Variants in PRMT8 observed in about 807,000 individuals in gnomAD.
The protein encoded by PRMT8 is protein arginine N-methyltransferase 8.
A neutral mutation model predicts 47.1 loss-of-function variants in PRMT8; 7 were observed. The observed-to-expected ratio is 0.15, with a 90% CI of 0.08 to 0.28. The LOEUF (loss-of-function observed/expected upper bound fraction) is 0.28, where lower values mean the gene tolerates loss of function less well. PRMT8 is among the 10% of genes least tolerant of loss of function. The probability of loss-of-function intolerance (pLI) is 1.00; values close to 1 mark genes in which losing one functional copy is unlikely to be tolerated. For missense variants in PRMT8, 237 were observed against 505.4 expected, an observed-to-expected ratio of 0.47 and a Z score of 5.09; for synonymous variants, 188 against 186.5, an observed-to-expected ratio of 1.01 and a Z score of -0.07.
intron 1 of PRMT8, among the ~76,000 whole-genome samples, chr12:3,437,989 T>C (rs1402656882): frequency 1.3e-5 from 2 of 152,142 alleles, no homozygotes; most frequent in African/African-American, 2.4e-5. Flanking sequence ...AGGACTCTTA[T>C]GGGGTCTGGG....
At chr12:3,488,694 A>G (rs57959379), upstream of PRMT8, among the ~76,000 whole-genome samples, 16,071 of 152,284 alleles carry the variant, frequency 0.11, 955 homozygotes, top group African/African-American at 0.14. Flanking sequence ...GACTAAACTA[A>G]TTAACCTGGT....
rs1237420061 is a variant in PRMT8 at position 3,580,878 on chromosome 12, T to G, written c.829-2180T>G. On this transcript the variant is annotated intron_variant, in intron 7 of 9. Coordinates refer to ENST00000382622, the MANE Select transcript of PRMT8 (RefSeq NM_019854.5). This position sits in a 1 kb window ranked among gnomAD's most constrained non-coding sequence, Gnocchi z 4.6. ...GCAACCAAGGCTTGTCCGAAGAGTTTTTGAGCTGGAGGACACCTGTGGACA... is the reference window on the plus strand; with the variant it reads ...GCAACCAAGGCTTGTCCGAAGAGTTGTTGAGCTGGAGGACACCTGTGGACA... 6.6e-6 allele frequency among the ~76,000 whole-genome samples: 1 copy of G among 152,076 alleles called. No individual in the cohort carries two copies. The highest frequency in any genetic ancestry group is 1.5e-5 in the Non-Finnish European group (1 of 68,010).
In PRMT8 at chr12:3,505,255, A is replaced by G. The variant is rs376770984; in HGVS notation, c.75+13555A>G. ...CAAGACCCTATTTTTAAATGAGCTC[A>G]CTGTCACAGGTACTGGGGGTTTAGG... is the stretch of plus-strand genomic sequence containing the variant. On this transcript the variant is annotated intron_variant, in intron 1 of 9. Coordinates refer to ENST00000382622, the MANE Select transcript of PRMT8 (RefSeq NM_019854.5). Among the ~76,000 whole-genome samples, 79 of 152,328 alleles carry G rather than the reference A, an allele frequency of 5.2e-4. 1 individual carries two copies. In the South Asian group the frequency reaches 0.016, roughly 31 times the overall value.
At chr12:3,452,790 G>C (rs1039598626) in intron 1 of PRMT8, among the ~76,000 whole-genome samples, 12 of 152,206 alleles carry the variant, frequency 7.9e-5, no homozygotes, top group African/African-American at 2.2e-4. Context: ...TCAAGGCAGA[G>C]GAGAGGTAAA....
rs190849716 is a variant in PRMT8, at chr12:3,535,908, C to G, written c.76-4698C>G. Among the ~76,000 whole-genome samples, 11 of 152,230 alleles carry G rather than the reference C, an allele frequency of 7.2e-5. No homozygotes were observed. In the East Asian group the frequency reaches 1.9e-3, roughly 27 times the overall value. On this transcript the variant is annotated intron_variant, in intron 1 of 9. Transcript: ENST00000382622. The surrounding 1 kb of genome is among the most constrained non-coding windows in gnomAD (Gnocchi z 4.7). The stretch of plus-strand genomic sequence containing the variant: ...ACCTTCACTCAGAGACTCTGCTTGC[C>G]TGGTGTGGCTTAGGGAGGAGTTGAG...
At chr12:3,487,231 C>G (rs1865331197), upstream of PRMT8, among the ~76,000 whole-genome samples, 1 of 152,160 alleles carries the variant, frequency 6.6e-6, no homozygotes, top group Admixed American at 6.5e-5. Flanking sequence ...CATATGTGAA[C>G]CCTGGCCATG....
rs530490826 is a variant in PRMT8, at chr12:3,547,373, A to G, written c.262-2563A>G. Reference sequence around the variant, plus strand: ...TAAAGAAATCTAAAAAAAAAACCCTACTGGAATTAATATGTGAAGAGAGAA... The same window carrying G: ...TAAAGAAATCTAAAAAAAAAACCCTGCTGGAATTAATATGTGAAGAGAGAA... On this transcript the variant is annotated intron_variant, in intron 2 of 9. Coordinates refer to ENST00000382622, the MANE Select transcript of PRMT8 (RefSeq NM_019854.5). Among the ~76,000 whole-genome samples the G allele has an allele frequency of 2.6e-5, 4 of 152,280 alleles. No homozygotes were observed. In the East Asian group the frequency reaches 7.7e-4, roughly 29 times the overall value.
chr12:3,565,185 A>G (rs1486931115), intron 4 of PRMT8, among the ~76,000 whole-genome samples: 2 of 152,352 alleles, frequency 1.3e-5, no homozygotes, highest in East Asian at 3.9e-4. Flanking sequence ...TGCCTTACAC[A>G]TAACAAGTGC....
At chr12:3,507,008 A>G (rs1865637500) in intron 1 of PRMT8, among the ~76,000 whole-genome samples, 1 of 152,194 alleles carries the variant, frequency 6.6e-6, no homozygotes, top group African/African-American at 2.4e-5. Context: ...AAATTGGGCT[A>G]ATGCCACTAT....
intron 6 of PRMT8, among the ~76,000 whole-genome samples, chr12:3,574,903 T>G (rs1207944096): frequency 1.3e-5 from 2 of 152,196 alleles, no homozygotes; most frequent in Non-Finnish European, 2.9e-5. Flanking sequence ...TAGCTGCAAG[T>G]CTCTTGAGAA....
chr12:3,414,129 T>C (rs1378892271), intron 1 of PRMT8, among the ~76,000 whole-genome samples: 2 of 152,214 alleles, frequency 1.3e-5, no homozygotes, highest in South Asian at 2.1e-4. Flanking sequence ...ATAATAAATA[T>C]GGATATTTTG....
chr12:3,405,793 G>A (rs1311874632), intron 1 of PRMT8, among the ~76,000 whole-genome samples: 2 of 152,344 alleles, frequency 1.3e-5, no homozygotes, highest in East Asian at 3.9e-4. Context: ...GCTTTGCAGG[G>A]TATAGCTGCT....
At chr12:3,429,525 A>T (rs1444691400) in intron 1 of PRMT8, among the ~76,000 whole-genome samples, 1 of 152,208 alleles carries the variant, frequency 6.6e-6, no homozygotes, top group Non-Finnish European at 1.5e-5. Context: ...GTTTATACCA[A>T]ATCTGAACCA....
rs201467538 is a variant in PRMT8, at chr12:3,449,319, T to C, written c.48+67877T>C. 9.4e-4 allele frequency among the ~76,000 whole-genome samples: 143 copies of C among 152,330 alleles called. No individual in the cohort carries two copies. The East Asian group carries it at 0.025, about 26-fold the overall frequency. ...TCTTTGAGGAATTGCCATACTGTCT[T>C]CCACAATGGTTGAATGAATTTACAC... On this transcript the variant is annotated intron_variant, in intron 1 of 9. Transcript: ENST00000452611.
intron 4 of PRMT8, among the ~76,000 whole-genome samples, chr12:3,556,575 G>A (rs957118006): frequency 6.6e-6 from 1 of 152,066 alleles, no homozygotes; most frequent in South Asian, 2.1e-4. Context: ...AGTTAGAATA[G>A]GTTCAGGAAA....
rs1217289831 is a variant in PRMT8 at position 3,491,266 on chromosome 12, T to G, written c.-360T>G. The G allele has an allele frequency of 8.7e-6, 9 of 1,038,886 alleles. No homozygotes were observed. The highest frequency in any genetic ancestry group is 9.3e-6 in the Non-Finnish European group (8 of 864,714). The allele number at this position is 1,038,886 out of a possible 1,614,324, so 64.4% of individuals were successfully genotyped here. A position where few individuals can be genotyped will look rare whatever the true frequency, so the allele number is the denominator to read the frequency against. On this transcript the variant is annotated 5_prime_UTR_variant, in exon 1 of 10. Transcript: ENST00000382622. ...GCGGCTGCCTCCGGCCGGCCGGACT[T>G]TGCGAGCAGCCTGGAGAGGATCCGC... is the stretch of plus-strand genomic sequence containing the variant.
chr12:3,548,829 G>A (rs1030169113), intron 2 of PRMT8, among the ~76,000 whole-genome samples: 1 of 152,214 alleles, frequency 6.6e-6, no homozygotes, highest in Non-Finnish European at 1.5e-5. Context: ...TTACTTCTAG[G>A]TATCTACCCA....
intron 1 of PRMT8, among the ~76,000 whole-genome samples, chr12:3,512,499 A>T (rs991976488): frequency 4.6e-5 from 7 of 152,080 alleles, no homozygotes; most frequent in African/African-American, 1.7e-4. Context: ...TGTCTCATGG[A>T]GGGCACTGCC....
rs569333727 is a variant in PRMT8 at position 3,458,251 on chromosome 12, A to T, written c.48+76809A>T. Among the ~76,000 whole-genome samples the T allele has an allele frequency of 3.3e-5, 5 of 152,350 alleles. No individual in the cohort carries two copies. The South Asian group carries it at 1.0e-3, about 32-fold the overall frequency. On this transcript the variant is annotated intron_variant, in intron 1 of 9. Transcript: ENST00000452611. ...CATGGTTAGAAAATATGATGGTCAC[A>T]TGCCAACAAAATTCTCCAACTGCTT...
Sources: allele counts gnomAD v4.1 joint callset (sites outside exome capture counted in the v4.1 genomes callset), GRCh38; gene constraint gnomAD v4.1.1; non-coding constraint Gnocchi (gnomAD v3.1); transcripts MANE v1.5; gene names NCBI Gene and HGNC (gene_info 2026-07-23, HGNC 2026-07-21).